CHD1: variants seen among roughly 807,000 people sequenced by gnomAD.
CHD1 encodes ATP-dependent chromatin remodeler CHD1.
A neutral mutation model predicts 224.2 loss-of-function variants in CHD1; 36 were observed. The observed-to-expected ratio is 0.16, with a 90% CI of 0.12 to 0.21. CHD1 has a LOEUF of 0.21. Among genes scored for constraint, CHD1 ranks in the 10% least tolerant of loss-of-function variants. The pLI, the probability that CHD1 is intolerant of heterozygous loss-of-function variation, is 1.00. For missense variants in CHD1, 1,378 were observed against 1,994.8 expected (o/e 0.69, Z 5.89); for synonymous variants, 668 against 658.3 (o/e 1.01, Z -0.23).
chr5:98,854,080 T>C lies in CHD1; in HGVS notation c.*2300A>G, dbSNP rs1033153069. On this transcript the variant is annotated 3_prime_UTR_variant, in exon 36 of 36. Coordinates refer to ENST00000614616, the MANE Select transcript of CHD1 (RefSeq NM_001270.4). ...CCTTGAAAAATTAAACATAACTGGA[T>C]AAAAATAACAAAGCAGAATGAAAAC... The C allele has an allele frequency of 3.9e-5, 6 of 151,946 alleles. No homozygotes were observed. The highest frequency in any genetic ancestry group is 1.4e-4 in the African/African-American group (6 of 41,434). 9.4% of individuals were successfully genotyped at this position (151,946 alleles called of 1,614,324 possible).
In CHD1 at chr5:98,897,315, T is replaced by C. The variant is rs116648225; in HGVS notation, c.1371A>G (p.Leu457=). 6.5e-4 allele frequency: 1,032 copies of C among 1,592,262 alleles called. 7 individuals are homozygous for C. The African/African-American group carries it at 0.012, about 19-fold the overall frequency. ...KTTPFKDCKV[L]KQRPRFVALK... ...GGGCTACAAACCTTGGCCTTTGTTT[T>C]AATACCTTTAGTAGAAATAAACATT... Residue 457 remains leucine, a synonymous_variant, in exon 11 of 36, where the codon TTA becomes TTG. Coordinates refer to ENST00000614616, the MANE Select transcript of CHD1 (RefSeq NM_001270.4).
rs1478446419 is a variant in CHD1 at position 98,912,083 on chromosome 5, C to G, written c.54-6985G>C. Among the ~76,000 whole-genome samples, 3 of 151,812 alleles carry G rather than the reference C, an allele frequency of 2.0e-5. No homozygotes were observed. The East Asian group carries it at 5.8e-4, about 29-fold the overall frequency. ...AGAAAAAAAAATTAAAAAATATATA[C>G]TGAAGTGTAAGAGGTGTGATTTCTG... On this transcript the variant is annotated intron_variant, in intron 2 of 35. Coordinates refer to ENST00000614616, the MANE Select transcript of CHD1 (RefSeq NM_001270.4).
At chr5:98,886,557 C>T (rs1009802001) in intron 17 of CHD1, among the ~76,000 whole-genome samples, 9 of 152,088 alleles carry the variant, frequency 5.9e-5, no homozygotes, top group South Asian at 2.1e-4. Context: ...TGCATTTAAC[C>T]GACGAATTAA....
Position 98,896,356 on chromosome 5 carries a change from T to C in CHD1, c.1580A>G (p.His527Arg). 1.2e-6 allele frequency: 2 copies of C among 1,614,026 alleles called. No homozygotes were observed. The highest frequency in any genetic ancestry group is 1.7e-6 in the Non-Finnish European group (2 of 1,179,904). Reference protein sequence around the residue: ...ISFLNYLFHEHQLYGPFLLVV... With the variant: ...ISFLNYLFHERQLYGPFLLVV... ...CAATAAAAAAGGTCCATATAATTGA[T>C]GTTCATGAAACAAATAATTCAGAAA... is the stretch of plus-strand genomic sequence containing the variant. Residue 527 changes from histidine (H) to arginine (R), a missense_variant, in exon 12 of 36, where the codon CAT (histidine) becomes CGT (arginine). Transcript: ENST00000614616.
chr5:98,911,166 TATATATATA>T lies in CHD1; in HGVS notation c.54-6077_54-6069del, dbSNP rs1561540139. Among the ~76,000 whole-genome samples the T allele has an allele frequency of 5.3e-5, 7 of 131,338 alleles. 1 individual carries two copies. Among genetic ancestry groups the T allele is most frequent in the African/African-American group, 2.1e-4 (7 of 33,802 alleles). 86.2% of individuals were successfully genotyped at this position (131,338 alleles called of 152,430 possible). ...AAAAAAATATATATATATATATATA[TATATATATA>T]TAGAGGCATGTCAAAAAGGACAGAG... On this transcript the variant is annotated intron_variant, in intron 2 of 35. Transcript: ENST00000614616.
At chr5:98,917,883 C>T (rs1752841584) in intron 2 of CHD1, among the ~76,000 whole-genome samples, 2 of 152,126 alleles carry the variant, frequency 1.3e-5, no homozygotes, top group South Asian at 4.1e-4. Context: ...CAATCATAAA[C>T]ACTAATTTTC....
chr5:98,867,557 C>CGTGT (rs1561484642), intron 31 of CHD1, among the ~76,000 whole-genome samples: 49 of 146,918 alleles, frequency 3.3e-4, no homozygotes, highest in African/African-American at 1.2e-3. Context: ...CACTATTACA[C>CGTGT]ATGTGTGTGT....
At position 98,858,163 on chromosome 5, in the gene CHD1, G is replaced by T. The variant is rs77597932; in HGVS notation, c.4787+17C>A. 113,872 of 1,606,984 alleles carry T rather than the reference G, an allele frequency of 0.071. 4,411 individuals carry two copies. The highest frequency in any genetic ancestry group is 0.11 in the South Asian group (10,068 of 90,698). On this transcript the variant is annotated intron_variant, in intron 35 of 35. Transcript: ENST00000614616. ...AACATGCATAAGCAAAATTTCTAAAGTGACTGCCAAGTTTACCTGCTGTCT... is the reference window on the plus strand; with the variant it reads ...AACATGCATAAGCAAAATTTCTAAATTGACTGCCAAGTTTACCTGCTGTCT...
At chr5:98,895,081 A>G (rs1311295106) in intron 12 of CHD1, among the ~76,000 whole-genome samples, 3 of 152,178 alleles carry the variant, frequency 2.0e-5, no homozygotes, top group Non-Finnish European at 4.4e-5. Flanking sequence ...TTGGCCTCCC[A>G]AAGCGCTGGG....
intron 2 of CHD1, among the ~76,000 whole-genome samples, chr5:98,923,723 A>T (rs923612606): frequency 6.6e-6 from 1 of 151,838 alleles, no homozygotes; most frequent in Non-Finnish European, 1.5e-5. Context: ...ACAAGGTTTA[A>T]TTTTTTTTCA....
chr5:98,915,669 T>C (rs1439881068), intron 2 of CHD1, among the ~76,000 whole-genome samples: 1 of 152,136 alleles, frequency 6.6e-6, no homozygotes, highest in African/African-American at 2.4e-5. Flanking sequence ...TTAATGACTT[T>C]TTTCAGGCAG....
rs1429005756 is a variant in CHD1 at position 98,870,676 on chromosome 5, C to T, written c.3978+11G>A. ...AGTAAACTGGTCTTAGGCATGTGGG[C>T]TTTAACTTACCGCACCAGAAAGAGC... On this transcript the variant is annotated intron_variant, in intron 29 of 35. Coordinates refer to ENST00000614616, the MANE Select transcript of CHD1 (RefSeq NM_001270.4). 2.6e-6 allele frequency: 4 copies of T among 1,537,720 alleles called. No homozygotes were observed. Among genetic ancestry groups the T allele is most frequent in the Non-Finnish European group, 3.6e-6 (4 of 1,124,776 alleles).
At chr5:98,898,803 C>T (rs1204594788) in intron 8 of CHD1, 39 bp from the exon 9 acceptor site, 3 of 1,145,504 alleles carry the variant, frequency 2.6e-6, no homozygotes, top group Middle Eastern at 1.9e-4. Flanking sequence ...TTAAAAATCT[C>T]CCATAAATAA....
At position 98,858,911 on chromosome 5, in the gene CHD1, A is replaced by G. The variant is rs552138105; in HGVS notation, c.4576+53T>C. ...ATCATTTGGTTTATTTAAAACAAAA[A>G]TTTAAAAAAAATTTTTTTTAATTTA... On this transcript the variant is annotated intron_variant, in intron 34 of 35. Transcript: ENST00000614616. 130 of 1,308,366 alleles carry G rather than the reference A, an allele frequency of 9.9e-5. 1 individual carries two copies. The highest frequency in any genetic ancestry group is 2.2e-4 in the Admixed American group (8 of 36,240). 81.0% of individuals were successfully genotyped at this position (1,308,366 alleles called of 1,614,324 possible).
At chr5:98,865,189 A>C (rs577921261) in intron 31 of CHD1, among the ~76,000 whole-genome samples, 5 of 152,228 alleles carry the variant, frequency 3.3e-5, no homozygotes, top group African/African-American at 1.2e-4. Flanking sequence ...GAAAAAACAA[A>C]CATGAAAGTC....
chr5:98,925,984 T>C (rs1211204411), intron 2 of CHD1, among the ~76,000 whole-genome samples: 1 of 151,974 alleles, frequency 6.6e-6, no homozygotes, highest in African/African-American at 2.4e-5. Flanking sequence ...TGAAAAAATT[T>C]TTATTGCCTT....
chr5:98,907,684 A>C (rs1752137792), intron 2 of CHD1, among the ~76,000 whole-genome samples: 1 of 152,032 alleles, frequency 6.6e-6, no homozygotes, highest in Admixed American at 6.5e-5. Flanking sequence ...AAGATACCAA[A>C]TGTTTATAGA....
Position 98,873,510 on chromosome 5 carries a change from TAA to T in CHD1, c.3571+81_3571+82del, listed in dbSNP as rs1749521252. 6.7e-6 allele frequency: 7 copies of T among 1,047,412 alleles called. No individual in the cohort carries two copies. In the South Asian group the frequency reaches 1.1e-4, roughly 16 times the overall value. The allele number at this position is 1,047,412 out of a possible 1,614,324, so 64.9% of individuals were successfully genotyped here. ...TTTTGAGACTGATGAATAAATAATT[TAA>T]GATATAATATCTAGCTCAATAAAGC... On this transcript the variant is annotated intron_variant, in intron 26 of 35. Coordinates refer to ENST00000614616, the MANE Select transcript of CHD1 (RefSeq NM_001270.4).
At chr5:98,875,030 TA>T in intron 25 of CHD1, 41 bp downstream of exon 25, 1 of 1,013,364 alleles carries the variant, frequency 9.9e-7, no homozygotes, top group Non-Finnish European at 1.5e-6. Flanking sequence ...TGACAGCATG[TA>T]ACACATTCCA....
Sources: gnomAD v4.1 joint callset for allele counts (sites outside exome capture counted in the v4.1 genomes callset) on GRCh38, gnomAD v4.1.1 for gene constraint, MANE v1.5 for transcripts, NCBI Gene and HGNC (gene_info 2026-07-23, HGNC 2026-07-21) for gene names.